FAS: variants seen among roughly 807,000 people sequenced by gnomAD.
FAS encodes the protein Fas cell surface death receptor.
A neutral mutation model predicts 33.2 loss-of-function variants in FAS; 5 were observed. The observed-to-expected ratio is 0.15, with a 90% CI of 0.08 to 0.32. The LOEUF is 0.32. FAS is among the 10% of genes least tolerant of loss of function. The probability of loss-of-function intolerance (pLI) is 1.00; values close to 1 mark genes in which losing one functional copy is unlikely to be tolerated. For synonymous variants in FAS, 131 were observed against 130.7 expected (o/e 1.00, Z -0.01); for missense variants, 339 against 386.0 (o/e 0.88, Z 1.02).
chr10:89,012,625 T>A (rs1166128463), intron 7 of FAS: 2 of 157,790 alleles, frequency 1.3e-5, no homozygotes, highest in African/African-American at 4.8e-5. Flanking sequence ...ATTGAGAGTG[T>A]GCTGAAAATG....
In FAS at chr10:89,010,970, T is replaced by C. The variant is rs1006221652; in HGVS notation, c.568+155T>C. 749 of 834,788 alleles carry C rather than the reference T, an allele frequency of 9.0e-4. 4 individuals are homozygous for C. The highest frequency in any genetic ancestry group is 1.1e-3 in the Non-Finnish European group (529 of 501,202). The allele number at this position is 834,788 out of a possible 1,614,324, so 51.7% of individuals were successfully genotyped here. On this transcript the variant is annotated intron_variant, in intron 6 of 8. Transcript: ENST00000652046. ...GAATGCAGCCTTGAGAGCTGACTGATAAGAACAAATGAAATTATTCCTCAG... is the reference window on the plus strand; with the variant it reads ...GAATGCAGCCTTGAGAGCTGACTGACAAGAACAAATGAAATTATTCCTCAG...
At chr10:88,966,211 CAGA>C (rs1258964532) in intron 1 of FAS, among the ~76,000 whole-genome samples, 1 of 152,172 alleles carries the variant, frequency 6.6e-6, no homozygotes, top group Non-Finnish European at 1.5e-5. Flanking sequence ...CTCAAAAATA[CAGA>C]AGAATAGTAA....
intron 2 of FAS, 72 bp downstream of exon 2, chr10:89,003,266 A>C (rs931664586): frequency 2.6e-5 from 41 of 1,559,310 alleles, no homozygotes; most frequent in East Asian, 6.8e-5. Context: ...AATCATGACT[A>C]TAATAATTTT....
intron 1 of FAS, among the ~76,000 whole-genome samples, chr10:88,999,152 C>CAAAAAAAA (rs762435847): frequency 4.0e-5 from 4 of 100,882 alleles, no homozygotes; most frequent in Non-Finnish European, 8.6e-5. Context: ...GACTCCGTCT[C>CAAAAAAAA]AAAAAAATAA....
At chr10:89,011,686 G>T (rs1159146352) in intron 6 of FAS, among the ~76,000 whole-genome samples, 3 of 152,180 alleles carry the variant, frequency 2.0e-5, no homozygotes, top group Non-Finnish European at 4.4e-5. Context: ...TCTGCATCCT[G>T]CCATAGTCTT....
At chr10:88,971,446 GT>G (rs1846445290) in intron 1 of FAS, among the ~76,000 whole-genome samples, 1 of 152,224 alleles carries the variant, frequency 6.6e-6, no homozygotes, top group Non-Finnish European at 1.5e-5. Context: ...TTAAATTCAA[GT>G]TAGGATCTGA....
At chr10:89,004,143 C>G (rs1848089024) in intron 2 of FAS, among the ~76,000 whole-genome samples, 1 of 152,144 alleles carries the variant, frequency 6.6e-6, no homozygotes, top group Admixed American at 6.5e-5. Context: ...TCAATTTGCT[C>G]TATGAATTGA....
chr10:88,984,584 T>G (rs1329767416), upstream of FAS, among the ~76,000 whole-genome samples: 2 of 152,244 alleles, frequency 1.3e-5, no homozygotes, highest in African/African-American at 4.8e-5. Flanking sequence ...GGTTCAATAT[T>G]GTGTTGATTT....
intron 4 of FAS, 96 bp from the exon 5 acceptor site, chr10:89,010,443 T>C (rs1333143591): frequency 1.1e-6 from 1 of 934,530 alleles, no homozygotes; most frequent in Non-Finnish European, 1.7e-6. Flanking sequence ...GATGCAAAGA[T>C]GAATAAAATG....
At chr10:88,986,340 G>C (rs1247824658), upstream of FAS, among the ~76,000 whole-genome samples, 2 of 152,148 alleles carry the variant, frequency 1.3e-5, no homozygotes, top group African/African-American at 2.4e-5. Context: ...AAAAATGTCA[G>C]GGGAGGGGTA....
In FAS at chr10:89,012,775, T is replaced by G. The variant is rs1848597338; in HGVS notation, c.652-568T>G. On this transcript the variant is annotated intron_variant, in intron 7 of 8. Coordinates refer to ENST00000652046, the MANE Select transcript of FAS (RefSeq NM_000043.6). The stretch of plus-strand genomic sequence containing the variant: ...TTAAAGTTTGTCATAAGGGCACAGC[T>G]TAACTTTCTCTGGCTGCCGGTTGAC... The G allele has an allele frequency of 3.2e-5, 5 of 154,072 alleles. No individual in the cohort carries two copies. In the Admixed American group the frequency reaches 3.2e-4, roughly 10 times the overall value. 9.5% of individuals were successfully genotyped at this position (154,072 alleles called of 1,614,324 possible).
At chr10:88,979,058 G>A (rs1426510476) in intron 2 of FAS, among the ~76,000 whole-genome samples, 3 of 152,026 alleles carry the variant, frequency 2.0e-5, no homozygotes, top group African/African-American at 7.2e-5. Context: ...AAAACTGAAA[G>A]CTCAGAAAAC....
rs576694185 is a variant in FAS, at chr10:89,014,460, C to T, written c.*10C>T. 6.2e-7 allele frequency: 1 copy of T among 1,604,078 alleles called. No homozygotes were observed. On this transcript the variant is annotated 3_prime_UTR_variant, in exon 9 of 9. Transcript: ENST00000652046. ...CCAAAGCTTGGTCTAGAGTGAAAAA[C>T]AACAAATTCAGTTCTGAGTATATGC...
chr10:88,995,730 G>A (rs1348636354), intron 1 of FAS, among the ~76,000 whole-genome samples: 1 of 152,152 alleles, frequency 6.6e-6, no homozygotes, highest in African/African-American at 2.4e-5. Flanking sequence ...GGAGGTCGCG[G>A]CAGGAGAATC....
In FAS at chr10:89,012,079, C is replaced by T; in HGVS notation, c.649C>T (p.Pro217Ser). 6.2e-7 allele frequency: 1 copy of T among 1,611,308 alleles called. No homozygotes were observed. Among genetic ancestry groups the T allele is most frequent in the African/African-American group, 1.3e-5 (1 of 74,964 alleles). ...QGSHESPTLN[P>S]ETVAINLSDV... ...TTCTCATGAATCTCCAACTTTAAATCCTGTAGGTATTGAAATAGGTATCAG... is the reference window on the plus strand; with the variant it reads ...TTCTCATGAATCTCCAACTTTAAATTCTGTAGGTATTGAAATAGGTATCAG... The change falls in exon 7 of 9, where the codon CCT (proline) becomes TCT (serine). Residue 217 changes from proline (P) to serine (S), a missense_variant and splice_region_variant. By Grantham distance (74) the Pro-to-Ser change is moderately conservative. Transcript: ENST00000652046.
chr10:88,990,967 T>A lies in FAS; in HGVS notation c.30+61T>A. ...GTCTTAGTCCCGGGGATAGGCAAAG[T>A]GGGGCGGGCGCGGGACGCGTGCGGG... On this transcript the variant is annotated intron_variant, in intron 1 of 8. Coordinates refer to ENST00000652046, the MANE Select transcript of FAS (RefSeq NM_000043.6). This position sits in a 1 kb window ranked among gnomAD's most constrained non-coding sequence, Gnocchi z 4.9. 2 of 1,611,416 alleles carry A rather than the reference T, an allele frequency of 1.2e-6. No individual in the cohort carries two copies. Among genetic ancestry groups the A allele is most frequent in the South Asian group, 2.2e-5 (2 of 91,010 alleles).
chr10:89,008,807 T>G lies in FAS; in HGVS notation c.335-82T>G. Reference sequence around the variant, plus strand: ...TGATATAAGCAGTGGATCTCAAAAATCCATGCAGCTCCTGCCCACCATTTT... The same window carrying G: ...TGATATAAGCAGTGGATCTCAAAAAGCCATGCAGCTCCTGCCCACCATTTT... On this transcript the variant is annotated intron_variant, in intron 3 of 8. Coordinates refer to ENST00000652046, the MANE Select transcript of FAS (RefSeq NM_000043.6). 5.4e-6 allele frequency: 7 copies of G among 1,289,904 alleles called. 1 individual carries two copies. The highest frequency in any genetic ancestry group is 1.8e-4 in the Middle Eastern group (1 of 5,430). 79.9% of individuals were successfully genotyped at this position (1,289,904 alleles called of 1,614,324 possible).
chr10:89,016,244 G>A lies in FAS; in HGVS notation c.*1794G>A, dbSNP rs952455402. On this transcript the variant is annotated 3_prime_UTR_variant, in exon 9 of 9. Transcript: ENST00000652046. ...AACATGTAAGCATGTCGGTAAGATA[G>A]TTGTGCTTTGCTTAGGGTTCCCTCC... The A allele has an allele frequency of 9.2e-6, 2 of 216,932 alleles. No individual in the cohort carries two copies. Among genetic ancestry groups the A allele is most frequent in the South Asian group, 3.7e-4 (2 of 5,404 alleles). The allele number at this position is 216,932 out of a possible 1,614,324, so 13.4% of individuals were successfully genotyped here. A position where few individuals can be genotyped will look rare whatever the true frequency, so the allele number is the denominator to read the frequency against.
chr10:89,000,534 A>G lies in FAS; in HGVS notation c.31-2495A>G, dbSNP rs112902622. 1.3e-3 allele frequency among the ~76,000 whole-genome samples: 200 copies of G among 152,350 alleles called. 1 individual carries two copies. The highest frequency in any genetic ancestry group is 4.5e-3 in the African/African-American group (186 of 41,576). The stretch of plus-strand genomic sequence containing the variant: ...TATCAACTAGAAATAAGCACCATTA[A>G]AATTTCTGTGTGTTAAAAGATAATA... On this transcript the variant is annotated intron_variant, in intron 1 of 8. Coordinates refer to ENST00000652046, the MANE Select transcript of FAS (RefSeq NM_000043.6).
Sources: gnomAD v4.1 joint callset for allele counts (sites outside exome capture counted in the v4.1 genomes callset) on GRCh38, gnomAD v4.1.1 for gene constraint, Gnocchi (gnomAD v3.1) non-coding constraint, MANE v1.5 for transcripts, NCBI Gene and HGNC (gene_info 2026-07-23, HGNC 2026-07-21) for gene names.